The following PROKR1 variants were observed in gnomAD, a reference collection of about 807,000 sequenced individuals.
The protein encoded by PROKR1 is G protein-coupled receptor 73.
Under a neutral mutation model 22.8 loss-of-function variants are expected in PROKR1, and 21 were observed. The ratio of observed to expected loss-of-function variants is 0.92; its 90% CI spans 0.65 to 1.32. PROKR1 has a LOEUF of 1.32. PROKR1 is among the 40% of genes most tolerant of loss of function. PROKR1 has a pLI of 0.00. For synonymous variants in PROKR1, 193 were observed against 207.5 expected (o/e 0.93, Z 0.60); for missense variants, 548 against 514.2 (o/e 1.07, Z -0.64).
intron 2 of PROKR1, among the ~76,000 whole-genome samples, chr2:68,648,658 G>A (rs571263808): frequency 1.3e-5 from 2 of 152,238 alleles, no homozygotes; most frequent in South Asian, 4.2e-4. Context: ...TGTGGTCTAG[G>A]AATCATTAAT....
At chr2:68,652,758 T>C (rs554054176) in intron 2 of PROKR1, among the ~76,000 whole-genome samples, 34 of 152,318 alleles carry the variant, frequency 2.2e-4, no homozygotes, top group African/African-American at 7.9e-4. Context: ...CTAGGTGATA[T>C]TCCCATTTTA....
intron 2 of PROKR1, among the ~76,000 whole-genome samples, chr2:68,648,070 A>C (rs1445447536): frequency 2.0e-5 from 3 of 152,166 alleles, no homozygotes; most frequent in Non-Finnish European, 4.4e-5. Context: ...ATACAGAGTC[A>C]TTTCCTGAAG....
At position 68,656,295 on chromosome 2, in the gene PROKR1, A is replaced by G. The variant is rs1673451880; in HGVS notation, c.*719A>G. 6.5e-6 allele frequency: 1 copy of G among 153,384 alleles called. No individual in the cohort carries two copies. The allele number at this position is 153,384 out of a possible 1,614,324, so 9.5% of individuals were successfully genotyped here. A position where few individuals can be genotyped will look rare whatever the true frequency, so the allele number is the denominator to read the frequency against. On this transcript the variant is annotated 3_prime_UTR_variant, in exon 3 of 3. Transcript: ENST00000303786. ...TATGGGGTTCTGGGTACCTGGAGTA[A>G]GTCCAGAGGGGGAAGCCTGGATTCA...
chr2:68,654,823 A>AAT, intron 2 of PROKR1, 57 bp from the exon 3 acceptor site: 3 of 1,425,104 alleles, frequency 2.1e-6, no homozygotes, highest in Non-Finnish European at 2.9e-6. Context: ...AAAAAAAAAA[A>AAT]GATTATCCAG....
Position 68,655,199 on chromosome 2 carries a change from A to G in PROKR1, c.805A>G (p.Thr269Ala). The change falls in exon 3 of 3, where the codon ACA becomes GCA. Residue 269 changes from threonine (T) to alanine (A), a missense_variant. Thr to Ala is a moderately conservative substitution (Grantham distance 58, BLOSUM62 0). Transcript: ENST00000303786. ...LWFKAVPGFQ[T>A]EQIRKRLRCR... ...GTTCAAGGCGGTCCCTGGATTCCAGACAGAGCAGATCCGCAAGAGGCTGCG... is the reference window on the plus strand; with the variant it reads ...GTTCAAGGCGGTCCCTGGATTCCAGGCAGAGCAGATCCGCAAGAGGCTGCG... 1 of 1,614,244 alleles carries G rather than the reference A, an allele frequency of 6.2e-7. No homozygotes were observed. Among genetic ancestry groups the G allele is most frequent in the Non-Finnish European group, 8.5e-7 (1 of 1,180,042 alleles).
At position 68,654,967 on chromosome 2, in the gene PROKR1, C is replaced by G. The variant is rs149727540; in HGVS notation, c.573C>G (p.Ile191Met). 9.3e-6 allele frequency: 15 copies of G among 1,613,552 alleles called. No individual in the cohort carries two copies. Among genetic ancestry groups the G allele is most frequent in the Non-Finnish European group, 1.2e-5 (14 of 1,179,988 alleles). Residue 191 changes from isoleucine to methionine, a missense_variant, in exon 3 of 3, where the codon ATC (isoleucine) becomes ATG (methionine). By Grantham distance (10) the Ile-to-Met change is conservative. Coordinates refer to ENST00000303786, the MANE Select transcript of PROKR1 (RefSeq NM_138964.4). ...TTGCCTTGGTGTGGACGGTGTCCAT[C>G]CTGATCGCCATCCCTTCCGCCTACT... ...GLIALVWTVS[I>M]LIAIPSAYFT...
At chr2:68,654,096 T>C (rs1459943961) in intron 2 of PROKR1, among the ~76,000 whole-genome samples, 2 of 152,118 alleles carry the variant, frequency 1.3e-5, no homozygotes, top group African/African-American at 2.4e-5. Flanking sequence ...AAAGCAACAA[T>C]TTTTAGAATG....
At position 68,655,758 on chromosome 2, in the gene PROKR1, C is replaced by G; in HGVS notation, c.*182C>G. 1 of 640,688 alleles carries G rather than the reference C, an allele frequency of 1.6e-6. No homozygotes were observed. The highest frequency in any genetic ancestry group is 1.9e-5 in the South Asian group (1 of 53,720). 39.7% of individuals were successfully genotyped at this position (640,688 alleles called of 1,614,324 possible). A position where few individuals can be genotyped will look rare whatever the true frequency, so the allele number is the denominator to read the frequency against. On this transcript the variant is annotated 3_prime_UTR_variant, in exon 3 of 3. Coordinates refer to ENST00000303786, the MANE Select transcript of PROKR1 (RefSeq NM_138964.4). ...TAAAATGCATGTGACCAGACACTAT[C>G]AACAGTGGCATTTGCTGAATGTCTA...
intron 1 of PROKR1, among the ~76,000 whole-genome samples, chr2:68,645,008 A>G (rs1673143469): frequency 6.6e-6 from 1 of 152,134 alleles, no homozygotes; most frequent in African/African-American, 2.4e-5. Flanking sequence ...GACATTATTG[A>G]TCTCCTGCCT....
At chr2:68,648,685 G>A (rs1025753737) in intron 2 of PROKR1, among the ~76,000 whole-genome samples, 4 of 152,168 alleles carry the variant, frequency 2.6e-5, no homozygotes, top group African/African-American at 7.2e-5. Context: ...CTGGTCTCAC[G>A]TGTTGTTCAG....
chr2:68,654,944 G>A lies in PROKR1; in HGVS notation c.550G>A (p.Ala184Thr), dbSNP rs1301327979. The A allele has an allele frequency of 5.0e-6, 8 of 1,613,598 alleles. No homozygotes were observed. Among genetic ancestry groups the A allele is most frequent in the Non-Finnish European group, 5.9e-6 (7 of 1,180,010 alleles). The change falls in exon 3 of 3, where the codon GCC becomes ACC. Residue 184 changes from alanine to threonine, a missense_variant. Ala to Thr is a moderately conservative substitution (Grantham distance 58, BLOSUM62 0). Coordinates refer to ENST00000303786, the MANE Select transcript of PROKR1 (RefSeq NM_138964.4). ...MKCQTATGLI[A>T]LVWTVSILIA... ...GTGCCAAACAGCCACTGGCCTGATT[G>A]CCTTGGTGTGGACGGTGTCCATCCT...
At chr2:68,648,365 A>G (rs1673236314) in intron 2 of PROKR1, among the ~76,000 whole-genome samples, 1 of 152,226 alleles carries the variant, frequency 6.6e-6, no homozygotes, top group South Asian at 2.1e-4. Flanking sequence ...GCTTGTCTGA[A>G]ATACTGCAAG....
At position 68,651,898 on chromosome 2, in the gene PROKR1, G is replaced by A. The variant is rs1207262212; in HGVS notation, c.486-2982G>A. 2.6e-5 allele frequency among the ~76,000 whole-genome samples: 4 copies of A among 152,196 alleles called. No homozygotes were observed. In the East Asian group the frequency reaches 7.7e-4, roughly 29 times the overall value. On this transcript the variant is annotated intron_variant, in intron 2 of 2. Coordinates refer to ENST00000303786, the MANE Select transcript of PROKR1 (RefSeq NM_138964.4). ...AGCCACTGTAGTGGCAGACACACAG[G>A]GCAAGCCAAGGGCATACATATAAGC... is the stretch of plus-strand genomic sequence containing the variant.
At position 68,658,208 on chromosome 2, in the gene PROKR1, G is replaced by A. The variant is rs1164602428; in HGVS notation, c.*2632G>A. 6.6e-6 allele frequency: 1 copy of A among 152,188 alleles called. No homozygotes were observed. The highest frequency in any genetic ancestry group is 1.9e-4 in the East Asian group (1 of 5,198). 9.4% of individuals were successfully genotyped at this position (152,188 alleles called of 1,614,324 possible). On this transcript the variant is annotated 3_prime_UTR_variant, in exon 3 of 3. Coordinates refer to ENST00000303786, the MANE Select transcript of PROKR1 (RefSeq NM_138964.4). The stretch of plus-strand genomic sequence containing the variant: ...TAATTTTGTAGTGAATGAGGGTGTT[G>A]TGTTGTTATCAAGTGAAATGAAAAT...
chr2:68,645,767 C>T lies in PROKR1; in HGVS notation c.-55C>T. 1 of 1,613,758 alleles carries T rather than the reference C, an allele frequency of 6.2e-7. No homozygotes were observed. Among genetic ancestry groups the T allele is most frequent in the Non-Finnish European group, 8.5e-7 (1 of 1,179,838 alleles). On this transcript the variant is annotated 5_prime_UTR_variant, in exon 2 of 3. Coordinates refer to ENST00000303786, the MANE Select transcript of PROKR1 (RefSeq NM_138964.4). The stretch of plus-strand genomic sequence containing the variant: ...GCAGAGAGGGGTGACATCAGCCTTG[C>T]AGACATTGCCCTGGGGAATTCTGAG...
At chr2:68,654,028 A>T (rs1325512980) in intron 2 of PROKR1, among the ~76,000 whole-genome samples, 1 of 152,042 alleles carries the variant, frequency 6.6e-6, no homozygotes, top group Non-Finnish European at 1.5e-5. Flanking sequence ...ACTGCCTTCC[A>T]TTTTTCCACC....
chr2:68,655,080 A>G lies in PROKR1; in HGVS notation c.686A>G (p.Tyr229Cys), dbSNP rs753774904. 5 of 1,613,848 alleles carry G rather than the reference A, an allele frequency of 3.1e-6. No homozygotes were observed. The South Asian group carries it at 3.3e-5, about 11-fold the overall frequency. The change falls in exon 3 of 3, where the codon TAC becomes TGC. Residue 229 changes from tyrosine to cysteine, a missense_variant. Tyr to Cys is a radical substitution (Grantham distance 194). Transcript: ENST00000303786. ...QIWPVDQQLY[Y>C]KSYFLFIFGI... ...TGGCCTGTGGACCAGCAGCTCTACT[A>G]CAAGTCCTACTTCCTCTTTATCTTT...
intron 2 of PROKR1, among the ~76,000 whole-genome samples, chr2:68,649,953 C>T (rs1478176126): frequency 6.6e-6 from 1 of 151,794 alleles, no homozygotes; most frequent in East Asian, 1.9e-4. Context: ...TGTCTCCACT[C>T]TCCTGCTTAA....
intron 2 of PROKR1, chr2:68,649,425 C>G (rs994010835): frequency 6.6e-6 from 1 of 152,310 alleles, no homozygotes; most frequent in Middle Eastern, 3.4e-3. Context: ...CCCTGACAAT[C>G]CATCCTAAAC....
Sources: gnomAD v4.1 joint callset for allele counts (sites outside exome capture counted in the v4.1 genomes callset) on GRCh38, gnomAD v4.1.1 for gene constraint, MANE v1.5 for transcripts, NCBI Gene and HGNC (gene_info 2026-07-23, HGNC 2026-07-21) for gene names.